The following CD2AP variants were observed in gnomAD, a reference collection of about 807,000 sequenced individuals.
CD2AP encodes CD2-associated protein.
CD2AP carries 46 observed loss-of-function variants against 85.1 expected under a neutral mutation model. The ratio of observed to expected loss-of-function variants is 0.54; its 90% CI spans 0.43 to 0.69. CD2AP has a LOEUF of 0.69. Ranked by LOEUF, CD2AP falls within the 30% of genes least tolerant of loss-of-function variation. The pLI is 0.00. For synonymous variants in CD2AP, 255 were observed against 252.9 expected (o/e 1.01, Z -0.08); for missense variants, 769 against 729.5 (o/e 1.05, Z -0.62).
chr6:47,521,770 C>T (rs760168200), intron 2 of CD2AP, among the ~76,000 whole-genome samples: 29 of 151,726 alleles, frequency 1.9e-4, no homozygotes, highest in Non-Finnish European at 3.2e-4. Context: ...AATCCCAGCA[C>T]TTTGGGAGGC....
chr6:47,488,035 T>G (rs1358789667), intron 1 of CD2AP, among the ~76,000 whole-genome samples: 1 of 151,656 alleles, frequency 6.6e-6, no homozygotes, highest in African/African-American at 2.4e-5. Context: ...CTTTTTTTTT[T>G]TTTTTTTTTA....
At chr6:47,532,376 T>TACACACAC (rs10522555) in intron 2 of CD2AP, among the ~76,000 whole-genome samples, 27 of 142,036 alleles carry the variant, frequency 1.9e-4, no homozygotes, top group African/African-American at 6.6e-4. Flanking sequence ...TATATATGTA[T>TACACACAC]ACACACACAC....
chr6:47,550,098 G>C (rs376659106), intron 4 of CD2AP, among the ~76,000 whole-genome samples: 44 of 152,080 alleles, frequency 2.9e-4, no homozygotes, highest in Non-Finnish European at 8.8e-5. Flanking sequence ...ACCTGAAACT[G>C]TAACAGTTCT....
chr6:47,613,754 A>G (rs1769507637), intron 17 of CD2AP, among the ~76,000 whole-genome samples: 1 of 152,190 alleles, frequency 6.6e-6, no homozygotes, highest in Admixed American at 6.6e-5. Flanking sequence ...CTTTGAAGCC[A>G]GGGATTGACT....
intron 5 of CD2AP, among the ~76,000 whole-genome samples, chr6:47,561,842 G>A (rs745815752): frequency 3.3e-5 from 5 of 152,046 alleles, no homozygotes; most frequent in Non-Finnish European, 7.4e-5. Flanking sequence ...GTGCAGTGGC[G>A]CGATCTTGGC....
In CD2AP at chr6:47,591,468, G is replaced by T. The variant is rs564145874; in HGVS notation, c.1109-4393G>T. On this transcript the variant is annotated intron_variant, in intron 11 of 17. Coordinates refer to ENST00000359314, the MANE Select transcript of CD2AP (RefSeq NM_012120.3). ...ATTTTCTAAAATGTTAGGAAAATAG[G>T]TTCAATTAAGAATAGACTCACTACT... Among the ~76,000 whole-genome samples, 9 of 152,214 alleles carry T rather than the reference G, an allele frequency of 5.9e-5. 1 individual carries two copies. The South Asian group carries it at 1.9e-3, about 32-fold the overall frequency.
intron 4 of CD2AP, among the ~76,000 whole-genome samples, chr6:47,552,418 TACTTC>T (rs1340334018): frequency 6.6e-6 from 1 of 152,176 alleles, no homozygotes; most frequent in Admixed American, 6.5e-5. Flanking sequence ...ATTCTTGAGT[TACTTC>T]ACTTAGAATA....
chr6:47,599,270 G>A (rs769516289), intron 12 of CD2AP, 31 bp from the exon 13 acceptor site: 2 of 1,601,794 alleles, frequency 1.2e-6, no homozygotes, highest in Non-Finnish European at 1.7e-6. Context: ...TTTCATACTA[G>A]TGATTTTTGC....
At chr6:47,573,334 A>G (rs1768206449) in intron 5 of CD2AP, among the ~76,000 whole-genome samples, 1 of 152,096 alleles carries the variant, frequency 6.6e-6, no homozygotes. Flanking sequence ...TAAAATAAAC[A>G]TTTTTGAACA....
intron 5 of CD2AP, among the ~76,000 whole-genome samples, chr6:47,563,814 G>A (rs1048720530): frequency 3.3e-5 from 5 of 152,076 alleles, no homozygotes; most frequent in Non-Finnish European, 7.4e-5. Flanking sequence ...ATTTTTAAGT[G>A]TTCTTCCACT....
rs1040813512 is a variant in CD2AP, at chr6:47,494,081, C to G, written c.5-9199C>G. Reference sequence around the variant, plus strand: ...TCGGGTTCAGATGCTTGCTTTGTCTCTTTAGACTTGCTTTTTCTTGCCTTC... The same window carrying G: ...TCGGGTTCAGATGCTTGCTTTGTCTGTTTAGACTTGCTTTTTCTTGCCTTC... On this transcript the variant is annotated intron_variant, in intron 1 of 17. Transcript: ENST00000359314. Among the ~76,000 whole-genome samples, 4 of 152,238 alleles carry G rather than the reference C, an allele frequency of 2.6e-5. No individual in the cohort carries two copies. In the East Asian group the frequency reaches 7.7e-4, roughly 29 times the overall value.
At chr6:47,597,903 G>T (rs1332809766) in intron 12 of CD2AP, among the ~76,000 whole-genome samples, 8 of 150,666 alleles carry the variant, frequency 5.3e-5, no homozygotes, top group African/African-American at 1.7e-4. Flanking sequence ...GGGTGCAGTG[G>T]GCCCCACCCA....
At chr6:47,565,544 T>G (rs2114082080) in intron 5 of CD2AP, among the ~76,000 whole-genome samples, 1 of 152,224 alleles carries the variant, frequency 6.6e-6, no homozygotes, top group South Asian at 2.1e-4. Context: ...AATAGGCATC[T>G]TAAACCTAAG....
chr6:47,582,934 C>T (rs1467292856), intron 11 of CD2AP, among the ~76,000 whole-genome samples: 1 of 151,970 alleles, frequency 6.6e-6, no homozygotes, highest in Non-Finnish European at 1.5e-5. Context: ...AGGCACCCGC[C>T]ACCACGCCCG....
At chr6:47,530,515 G>C (rs1309993486) in intron 2 of CD2AP, among the ~76,000 whole-genome samples, 3 of 152,096 alleles carry the variant, frequency 2.0e-5, no homozygotes, top group African/African-American at 7.2e-5. Flanking sequence ...ATTTTTTTGT[G>C]TATCAATAAC....
At chr6:47,517,629 C>T (rs1766487825) in intron 2 of CD2AP, among the ~76,000 whole-genome samples, 1 of 152,110 alleles carries the variant, frequency 6.6e-6, no homozygotes, top group African/African-American at 2.4e-5. Context: ...GCCTCAGATA[C>T]TTCTTTATAA....
chr6:47,615,792 A>AATTAATTTATTT (rs1554129261), intron 17 of CD2AP, among the ~76,000 whole-genome samples: 26 of 117,408 alleles, frequency 2.2e-4, no homozygotes, highest in African/African-American at 4.4e-4. Context: ...AATTTAATTT[A>AATTAATTTATTT]ATTTATTTAT....
intron 8 of CD2AP, 70 bp downstream of exon 8, chr6:47,577,173 T>C (rs1768337658): frequency 2.4e-6 from 2 of 847,072 alleles, no homozygotes; most frequent in South Asian, 2.7e-5. Flanking sequence ...AGTTATACAT[T>C]CACCCTAGAG....
chr6:47,478,430 A>G (rs1220450200), intron 1 of CD2AP, among the ~76,000 whole-genome samples, 182 bp downstream of exon 1: 2 of 151,612 alleles, frequency 1.3e-5, no homozygotes, highest in Non-Finnish European at 2.9e-5. Context: ...CTCACGGAGA[A>G]ACTGGTGGGA....
Sources: gnomAD v4.1 joint callset for allele counts (sites outside exome capture counted in the v4.1 genomes callset) on GRCh38, gnomAD v4.1.1 for gene constraint, MANE v1.5 for transcripts, NCBI Gene and HGNC (gene_info 2026-07-23, HGNC 2026-07-21) for gene names.